The following CLEC6A variants were observed in gnomAD, a reference collection of about 807,000 sequenced individuals.
CLEC6A encodes the protein C-type lectin domain containing 6A.
A neutral mutation model predicts 25.7 loss-of-function variants in CLEC6A; 22 were observed. The observed-to-expected ratio is 0.85, with a 90% CI of 0.61 to 1.22. The LOEUF is 1.22. CLEC6A is among the 50% of genes most tolerant of loss of function. The pLI is 0.00. For synonymous variants in CLEC6A, 92 were observed against 76.7 expected, an observed-to-expected ratio of 1.20 and a Z score of -1.04; for missense variants, 240 against 236.8, an observed-to-expected ratio of 1.01 and a Z score of -0.09.
At chr12:8,471,437 T>G (rs1242751937) in intron 4 of CLEC6A, among the ~76,000 whole-genome samples, 1 of 152,042 alleles carries the variant, frequency 6.6e-6, no homozygotes, top group African/African-American at 2.4e-5. Context: ...GTTGGGAGGT[T>G]TTGATTACAG....
In CLEC6A at chr12:8,471,220, T is replaced by C. The variant is rs188724779; in HGVS notation, c.370-4905T>C. Among the ~76,000 whole-genome samples, 26 of 152,160 alleles carry C rather than the reference T, an allele frequency of 1.7e-4. 1 individual carries two copies. Among genetic ancestry groups the C allele is most frequent in the Admixed American group, 1.3e-3 (20 of 15,276 alleles). ...ATTCTGCTGAGAGTTTTTATATCAG[T>C]ATTCATCAGACACATTAGTCTGTTG... On this transcript the variant is annotated intron_variant, in intron 4 of 5. Coordinates refer to ENST00000382073, the MANE Select transcript of CLEC6A (RefSeq NM_001007033.2).
At chr12:8,463,682 T>C (rs780507579) in intron 3 of CLEC6A, among the ~76,000 whole-genome samples, 9 of 152,238 alleles carry the variant, frequency 5.9e-5, no homozygotes, top group Non-Finnish European at 1.3e-4. Flanking sequence ...GCAAAAGATT[T>C]ATTTCTCAGT....
chr12:8,465,504 T>A lies in CLEC6A; in HGVS notation c.244T>A (p.Ser82Thr). ...AATAGCCTGGGGATGTTGCCCAGCT[T>A]CTTGGAAGTCATTTGGTTCCAGTTG... ...KVPAWGCCPA[S>T]WKSFGSSCYF... The change falls in exon 4 of 6, where the codon TCT becomes ACT. Residue 82 changes from serine (S) to threonine (T), a missense_variant. By Grantham distance (58) the Ser-to-Thr change is moderately conservative. Transcript: ENST00000382073. 6.2e-7 allele frequency: 1 copy of A among 1,614,136 alleles called. No homozygotes were observed. Among genetic ancestry groups the A allele is most frequent in the Non-Finnish European group, 8.5e-7 (1 of 1,179,988 alleles).
intron 3 of CLEC6A, chr12:8,460,562 T>C: frequency 1.1e-6 from 1 of 871,266 alleles, no homozygotes; most frequent in Admixed American, 1.9e-5. Context: ...ATCAGTCAGC[T>C]TCATGGAAAA....
intron 5 of CLEC6A, 85 bp downstream of exon 5, chr12:8,476,325 T>C (rs919055467): frequency 1.3e-6 from 1 of 772,616 alleles, no homozygotes; most frequent in African/African-American, 1.8e-5. Flanking sequence ...TATTGGTAAT[T>C]ATGATAACAG....
At chr12:8,462,426 T>C (rs1040477732) in intron 3 of CLEC6A, among the ~76,000 whole-genome samples, 1 of 132,744 alleles carries the variant, frequency 7.5e-6, no homozygotes. Flanking sequence ...GGAAGGCATC[T>C]GTCTCCTGCC....
At chr12:8,469,843 A>G (rs1377099452) in intron 4 of CLEC6A, among the ~76,000 whole-genome samples, 1 of 152,140 alleles carries the variant, frequency 6.6e-6, no homozygotes, top group Non-Finnish European at 1.5e-5. Flanking sequence ...AGAAGATAAC[A>G]TTGGAAAAAC....
chr12:8,459,500 G>A (rs748191241), intron 2 of CLEC6A, 97 bp from the exon 3 acceptor site: 3 of 718,742 alleles, frequency 4.2e-6, no homozygotes, highest in East Asian at 2.5e-5. Context: ...AGAAACAGCA[G>A]TGGGGGTCAG....
rs1451299560 is a variant in CLEC6A, at chr12:8,478,227, G to A, written c.*763G>A. The stretch of plus-strand genomic sequence containing the variant: ...TCTATTCCTGAAAATATGATGGTTA[G>A]CAAAGTTTGAGATAACTAGAGCCTG... On this transcript the variant is annotated 3_prime_UTR_variant, in exon 6 of 6. Transcript: ENST00000382073. 6.6e-6 allele frequency: 1 copy of A among 151,822 alleles called. No homozygotes were observed. The highest frequency in any genetic ancestry group is 6.6e-5 in the Admixed American group (1 of 15,230). 9.4% of individuals were successfully genotyped at this position (151,822 alleles called of 1,614,324 possible).
chr12:8,460,818 C>T lies in CLEC6A; in HGVS notation c.223+1120C>T, dbSNP rs74059852. ...ACCTTATATATAGGATTCGTGTTAG[C>T]CCTGGTGGCCAAAAACGCCCAGTTC... On this transcript the variant is annotated intron_variant, in intron 3 of 5. Coordinates refer to ENST00000382073, the MANE Select transcript of CLEC6A (RefSeq NM_001007033.2). The T allele has an allele frequency of 5.0e-5, 56 of 1,124,042 alleles. No homozygotes were observed. The African/African-American group carries it at 8.3e-4, about 17-fold the overall frequency. 69.6% of individuals were successfully genotyped at this position (1,124,042 alleles called of 1,614,324 possible). A position where few individuals can be genotyped will look rare whatever the true frequency, so the allele number is the denominator to read the frequency against.
At chr12:8,463,452 T>C (rs1939790567) in intron 3 of CLEC6A, among the ~76,000 whole-genome samples, 3 of 152,210 alleles carry the variant, frequency 2.0e-5, no homozygotes, top group African/African-American at 7.2e-5. Flanking sequence ...TTTAATGACA[T>C]TAACTGAAAA....
intron 4 of CLEC6A, among the ~76,000 whole-genome samples, chr12:8,469,717 A>G (rs1939881006): frequency 6.6e-6 from 1 of 152,228 alleles, no homozygotes; most frequent in Non-Finnish European, 1.5e-5. Flanking sequence ...GTGGTGGGAT[A>G]ATTGGCAAGC....
chr12:8,467,743 G>A (rs7963053), intron 4 of CLEC6A, among the ~76,000 whole-genome samples: 114,704 of 151,994 alleles, frequency 0.75, 44,097 homozygotes, highest in East Asian at 0.99. Context: ...ATTTTGGTAG[G>A]GATCACATTG....
At chr12:8,466,694 T>C (rs7312975) in intron 4 of CLEC6A, among the ~76,000 whole-genome samples, 116,144 of 150,416 alleles carry the variant, frequency 0.77, 45,332 homozygotes, top group East Asian at 0.99. Flanking sequence ...GTCGCTCTGT[T>C]GCCCAGGCTG....
intron 3 of CLEC6A, chr12:8,460,789 G>A (rs1449880169): frequency 3.0e-6 from 4 of 1,315,214 alleles, no homozygotes; most frequent in East Asian, 2.3e-5. Flanking sequence ...GGCCAAACAA[G>A]GTTACCTTAT....
rs746990803 is a variant in CLEC6A at position 8,465,630 on chromosome 12, G to A, written c.369+1G>A. The A allele has an allele frequency of 1.7e-5, 27 of 1,599,476 alleles. No homozygotes were observed. In the South Asian group the frequency reaches 2.8e-4, roughly 17 times the overall value. On this transcript the variant is annotated splice_donor_variant, in intron 4 of 5. Transcript: ENST00000382073. LOFTEE classifies it high-confidence loss of function. The stretch of plus-strand genomic sequence containing the variant: ...TGTGTTCAACACAGAAGCAGAGCAG[G>A]TACTGTTTCCATTTAAAATTTATTT...
At chr12:8,476,435 AAATAACTTGCCCCAAATC>A (rs1939975280) in intron 5 of CLEC6A, among the ~76,000 whole-genome samples, 195 bp downstream of exon 5, 1 of 152,156 alleles carries the variant, frequency 6.6e-6, no homozygotes. Context: ...ATAAAAAATT[AAATAACTTGCCCCAAATC>A]AATAAACTAA....
intron 1 of CLEC6A, among the ~76,000 whole-genome samples, chr12:8,456,621 A>AT (rs34877979): frequency 1.4e-5 from 2 of 138,976 alleles, no homozygotes; most frequent in Non-Finnish European, 3.2e-5. Context: ...TTTTAAAAAA[A>AT]TTTTTATTAA....
At chr12:8,463,500 G>A (rs1591707137) in intron 3 of CLEC6A, among the ~76,000 whole-genome samples, 1 of 152,054 alleles carries the variant, frequency 6.6e-6, no homozygotes, top group South Asian at 2.1e-4. Flanking sequence ...AATGAAAAAG[G>A]CTTTGTTTGA....
Sources: gnomAD v4.1 joint callset for allele counts (sites outside exome capture counted in the v4.1 genomes callset) on GRCh38, gnomAD v4.1.1 for gene constraint, MANE v1.5 for transcripts, NCBI Gene and HGNC (gene_info 2026-07-23, HGNC 2026-07-21) for gene names.